Variants in OLA1 observed in about 807,000 individuals in gnomAD.
OLA1 encodes the protein Obg like ATPase 1.
A neutral mutation model predicts 48.4 loss-of-function variants in OLA1; 14 were observed. That is an observed-to-expected ratio of 0.29 (90% CI 0.19 to 0.45). The LOEUF is 0.45. Among genes scored for constraint, OLA1 ranks in the 20% least tolerant of loss-of-function variants. The pLI, the probability that OLA1 is intolerant of heterozygous loss-of-function variation, is 1.00. For missense variants in OLA1, 325 were observed against 467.1 expected, an observed-to-expected ratio of 0.70 and a Z score of 2.80; for synonymous variants, 127 against 150.4, an observed-to-expected ratio of 0.84 and a Z score of 1.14.
In OLA1 at chr2:174,114,341, C is replaced by CAAAAA. The variant is rs76471043; in HGVS notation, c.728+8834_728+8838dup. Among the ~76,000 whole-genome samples, 445 of 60,622 alleles carry CAAAAA rather than the reference C, an allele frequency of 7.3e-3. 53 individuals are homozygous for CAAAAA. In the East Asian group the frequency reaches 0.088, roughly 12 times the overall value. The allele number at this position is 60,622 out of a possible 152,430, so 39.8% of individuals were successfully genotyped here. ...TGGGCGACAGAGCAAGACTCCGCCT[C>CAAAAA]AAAAAAAAAAAAAAAAAAAAAAAAA... On this transcript the variant is annotated intron_variant, in intron 7 of 10. Transcript: ENST00000284719.
intron 2 of OLA1, among the ~76,000 whole-genome samples, chr2:174,234,610 C>T (rs1003645551): frequency 1.3e-5 from 2 of 152,016 alleles, no homozygotes; most frequent in Admixed American, 6.6e-5. Context: ...ACTACACGTG[C>T]GTACCACCAC....
intron 7 of OLA1, among the ~76,000 whole-genome samples, chr2:174,099,248 T>C (rs1029452692): frequency 1.3e-5 from 2 of 151,884 alleles, no homozygotes; most frequent in African/African-American, 4.8e-5. Context: ...CTCCACCTCC[T>C]GGGTTCAAGC....
At chr2:174,153,038 C>T (rs1398673233) in intron 4 of OLA1, among the ~76,000 whole-genome samples, 3 of 152,110 alleles carry the variant, frequency 2.0e-5, no homozygotes, top group Non-Finnish European at 2.9e-5. Context: ...ATAAAACTAC[C>T]ATCCCTTTGA....
At chr2:174,144,951 A>AAAAAATATAT (rs1181030817) in intron 4 of OLA1, among the ~76,000 whole-genome samples, 1 of 40,296 alleles carries the variant, frequency 2.5e-5, no homozygotes, top group Admixed American at 4.5e-4. Flanking sequence ...AAAAAAAAAA[A>AAAAAATATAT]ATATATATAT....
intron 7 of OLA1, among the ~76,000 whole-genome samples, chr2:174,110,691 C>T (rs1685628718): frequency 6.6e-6 from 1 of 152,122 alleles, no homozygotes. Flanking sequence ...AAGTGATCTT[C>T]CCGCCTCAGC....
intron 5 of OLA1, among the ~76,000 whole-genome samples, chr2:174,141,254 A>G (rs1686440638): frequency 6.6e-6 from 1 of 152,228 alleles, no homozygotes; most frequent in South Asian, 2.1e-4. Context: ...CTTAAATGTT[A>G]AAGACAATTC....
intron 4 of OLA1, among the ~76,000 whole-genome samples, chr2:174,192,929 T>C (rs1390448168): frequency 2.0e-5 from 3 of 152,158 alleles, no homozygotes; most frequent in South Asian, 2.1e-4. Flanking sequence ...TCTTTTTACC[T>C]TTCATTTTAA....
At chr2:174,212,065 G>C (rs1273678211) in intron 4 of OLA1, among the ~76,000 whole-genome samples, 1 of 152,076 alleles carries the variant, frequency 6.6e-6, no homozygotes, top group African/African-American at 2.4e-5. Context: ...CTACAGACAT[G>C]AGTTGCTTAA....
At chr2:174,170,199 C>T (rs964999538) in intron 4 of OLA1, among the ~76,000 whole-genome samples, 2 of 152,094 alleles carry the variant, frequency 1.3e-5, no homozygotes, top group Admixed American at 1.3e-4. Flanking sequence ...CGCCACTGCA[C>T]TCCAGCCTGG....
chr2:174,084,754 A>G (rs547658467), intron 7 of OLA1, among the ~76,000 whole-genome samples: 1 of 152,208 alleles, frequency 6.6e-6, no homozygotes, highest in African/African-American at 2.4e-5. Context: ...GGATATAGAA[A>G]ATTAAAGTTG....
intron 4 of OLA1, among the ~76,000 whole-genome samples, chr2:174,169,393 G>C (rs1687246210): frequency 6.6e-6 from 1 of 152,062 alleles, no homozygotes; most frequent in Non-Finnish European, 1.5e-5. Context: ...CAATAGCAGA[G>C]GTATGACACA....
chr2:174,102,486 T>C (rs1685419842), intron 7 of OLA1, among the ~76,000 whole-genome samples: 1 of 151,626 alleles, frequency 6.6e-6, no homozygotes, highest in Non-Finnish European at 1.5e-5. Flanking sequence ...TTTCTAAGTT[T>C]GGTTTATTCT....
intron 7 of OLA1, among the ~76,000 whole-genome samples, chr2:174,099,206 A>G (rs1021901912): frequency 8.6e-5 from 13 of 151,034 alleles, no homozygotes; most frequent in Non-Finnish European, 1.5e-5. Context: ...ACCAGGCTGG[A>G]GTGCAGTGGT....
intron 3 of OLA1, 53 bp from the exon 4 acceptor site, chr2:174,223,213 C>T (rs199573659): frequency 6.0e-6 from 9 of 1,503,866 alleles, no homozygotes; most frequent in Non-Finnish European, 8.3e-6. Context: ...ACTTATCTAT[C>T]AACCAAATGA....
At chr2:174,191,851 GCTGT>G (rs906460407) in intron 4 of OLA1, among the ~76,000 whole-genome samples, 30 of 152,208 alleles carry the variant, frequency 2.0e-4, no homozygotes, top group African/African-American at 6.0e-4. Context: ...CATGTTTATG[GCTGT>G]CTAAATTCTA....
chr2:174,188,810 T>C, intron 4 of OLA1, among the ~76,000 whole-genome samples: 1 of 152,222 alleles, frequency 6.6e-6, no homozygotes, highest in East Asian at 1.9e-4. Flanking sequence ...AAGGTGTATA[T>C]GAAACATAAA....
At chr2:174,239,605 A>C (rs1688946516) in intron 2 of OLA1, among the ~76,000 whole-genome samples, 1 of 151,764 alleles carries the variant, frequency 6.6e-6, no homozygotes, top group South Asian at 2.1e-4. Flanking sequence ...GCAGCTGGGC[A>C]CAGTGGCTCA....
At chr2:174,220,094 T>C (rs748726576) in intron 4 of OLA1, among the ~76,000 whole-genome samples, 2 of 152,280 alleles carry the variant, frequency 1.3e-5, no homozygotes, top group Middle Eastern at 6.8e-3. Flanking sequence ...ATGATGCCAC[T>C]GCACTCCAGC....
chr2:174,129,835 T>C (rs1686136651), intron 5 of OLA1, among the ~76,000 whole-genome samples: 1 of 152,210 alleles, frequency 6.6e-6, no homozygotes, highest in Admixed American at 6.5e-5. Context: ...ATGGATAGAC[T>C]TGGTGGTTTA....
Sources: gnomAD v4.1 joint callset for allele counts (sites outside exome capture counted in the v4.1 genomes callset) on GRCh38, gnomAD v4.1.1 for gene constraint, MANE v1.5 for transcripts, NCBI Gene and HGNC (gene_info 2026-07-23, HGNC 2026-07-21) for gene names.